CCDC60: variants seen among roughly 807,000 people sequenced by gnomAD.
The protein encoded by CCDC60 is coiled-coil domain containing 60.
A neutral mutation model predicts 63.5 loss-of-function variants in CCDC60; 54 were observed. The observed-to-expected ratio is 0.85, with a 90% confidence interval of 0.68 to 1.07. The LOEUF is 1.07. Ranked by LOEUF, CCDC60 falls within the 50% of genes least tolerant of loss-of-function variation. CCDC60 has a pLI of 0.00. For missense variants in CCDC60, 651 were observed against 684.3 expected (o/e 0.95, Z 0.54); for synonymous variants, 206 against 238.8 (o/e 0.86, Z 1.27).
chr12:119,417,828 C>A (rs1347025107), intron 1 of CCDC60, among the ~76,000 whole-genome samples: 3 of 152,218 alleles, frequency 2.0e-5, no homozygotes, highest in African/African-American at 7.2e-5. Flanking sequence ...TTCCCAACTT[C>A]ATCCAAGCTC....
At chr12:119,460,764 G>A (rs1314361729) in intron 2 of CCDC60, among the ~76,000 whole-genome samples, 1 of 152,120 alleles carries the variant, frequency 6.6e-6, no homozygotes, top group Non-Finnish European at 1.5e-5. Context: ...TCCAAATTCT[G>A]GACACTGAGA....
At chr12:119,533,285 T>C (rs558573337) in intron 13 of CCDC60, among the ~76,000 whole-genome samples, 1 of 152,312 alleles carries the variant, frequency 6.6e-6, no homozygotes, top group Admixed American at 6.5e-5. Context: ...TTCTTCTAAA[T>C]TTGTTTAAGT....
chr12:119,494,953 C>T (rs1432590096), intron 5 of CCDC60, among the ~76,000 whole-genome samples: 2 of 152,184 alleles, frequency 1.3e-5, no homozygotes, highest in African/African-American at 4.8e-5. Context: ...TGCACTCCAG[C>T]CTGGGCAACA....
chr12:119,475,219 T>C (rs1951150112), intron 3 of CCDC60, among the ~76,000 whole-genome samples: 1 of 152,210 alleles, frequency 6.6e-6, no homozygotes, highest in South Asian at 2.1e-4. Flanking sequence ...AACTCATGGC[T>C]CTTTTTTCAG....
intron 13 of CCDC60, among the ~76,000 whole-genome samples, chr12:119,540,198 C>T (rs867294270): frequency 4.6e-5 from 7 of 152,240 alleles, no homozygotes; most frequent in African/African-American, 1.7e-4. Context: ...TGAAACTCTT[C>T]CTTTTGTGTG....
chr12:119,521,231 T>C (rs1239943700), intron 9 of CCDC60, among the ~76,000 whole-genome samples: 1 of 152,214 alleles, frequency 6.6e-6, no homozygotes. Context: ...ACAATTGTAA[T>C]GTGATAGGCA....
chr12:119,404,687 A>G (rs1956454487), intron 1 of CCDC60, among the ~76,000 whole-genome samples: 2 of 152,228 alleles, frequency 1.3e-5, no homozygotes, highest in Admixed American at 1.3e-4. Flanking sequence ...GAGGACAGGT[A>G]GGTCTGTCAG....
chr12:119,337,824 TTGTGTGTGTGTGTGTGTGTGTGTGTG>T (rs60009617), intron 1 of CCDC60, among the ~76,000 whole-genome samples: 1 of 140,656 alleles, frequency 7.1e-6, no homozygotes, highest in African/African-American at 2.6e-5. Context: ...GTGTGTGTAT[TTGTGTGTGTGTGTGTGTGTGTGTGTG>T]TGTGTGTGTG....
chr12:119,375,879 C>T lies in CCDC60; in HGVS notation c.90+40613C>T, dbSNP rs369734813. Among the ~76,000 whole-genome samples, 6 of 152,128 alleles carry T rather than the reference C, an allele frequency of 3.9e-5. No individual in the cohort carries two copies. The East Asian group carries it at 7.7e-4, about 20-fold the overall frequency. On this transcript the variant is annotated intron_variant, in intron 1 of 13. Coordinates refer to ENST00000327554, the MANE Select transcript of CCDC60 (RefSeq NM_178499.5). ...AGTCCTCAGCTTCTTCCTGCAACAACCAGCCCCTCCCTTGAAGCTCTTAGT... is the reference window on the plus strand; with the variant it reads ...AGTCCTCAGCTTCTTCCTGCAACAATCAGCCCCTCCCTTGAAGCTCTTAGT...
intron 1 of CCDC60, among the ~76,000 whole-genome samples, chr12:119,411,416 T>C (rs1423384193): frequency 6.6e-6 from 1 of 151,958 alleles, no homozygotes; most frequent in Non-Finnish European, 1.5e-5. Flanking sequence ...AAAAGCCTCG[T>C]TCATGTTCTG....
At chr12:119,464,434 T>C (rs1301852169) in intron 2 of CCDC60, among the ~76,000 whole-genome samples, 1 of 151,524 alleles carries the variant, frequency 6.6e-6, no homozygotes, top group Non-Finnish European at 1.5e-5. Context: ...CATCTTTCCT[T>C]TCTTCTTTTT....
intron 1 of CCDC60, among the ~76,000 whole-genome samples, chr12:119,409,303 G>A (rs764382992): frequency 4.6e-5 from 7 of 152,092 alleles, no homozygotes; most frequent in Admixed American, 3.3e-4. Context: ...GAGCTGATAC[G>A]GCTTTGTGGG....
chr12:119,443,303 G>A (rs959830557), intron 2 of CCDC60, among the ~76,000 whole-genome samples: 2 of 152,216 alleles, frequency 1.3e-5, no homozygotes, highest in East Asian at 1.9e-4. Context: ...AAAGACTGTA[G>A]CCTTTGAATA....
chr12:119,369,595 T>C (rs1419526207), intron 1 of CCDC60, among the ~76,000 whole-genome samples: 1 of 152,220 alleles, frequency 6.6e-6, no homozygotes, highest in Non-Finnish European at 1.5e-5. Context: ...TGTGCAGCCA[T>C]AGGCAAGTTA....
intron 1 of CCDC60, among the ~76,000 whole-genome samples, chr12:119,361,223 T>A (rs1474803976): frequency 2.2e-5 from 3 of 139,240 alleles, no homozygotes; most frequent in African/African-American, 2.7e-5. Flanking sequence ...GAGGGAGAGC[T>A]CAAGTCTATC....
chr12:119,388,044 C>T (rs895415084), intron 1 of CCDC60: 1 of 152,162 alleles, frequency 6.6e-6, no homozygotes, highest in South Asian at 2.1e-4. Context: ...AAGGTTAGAG[C>T]AGCACAAAGG....
chr12:119,496,751 A>G (rs950454974), intron 5 of CCDC60, among the ~76,000 whole-genome samples: 4 of 152,180 alleles, frequency 2.6e-5, no homozygotes, highest in African/African-American at 9.7e-5. Context: ...CAAGTCACAC[A>G]TGTAGGAAGC....
At chr12:119,462,925 G>A (rs770813380) in intron 2 of CCDC60, among the ~76,000 whole-genome samples, 1 of 152,056 alleles carries the variant, frequency 6.6e-6, no homozygotes, top group Admixed American at 6.6e-5. Flanking sequence ...CCAGGTTCAA[G>A]TGATTCTTGT....
intron 2 of CCDC60, among the ~76,000 whole-genome samples, chr12:119,444,575 T>C (rs1475751104): frequency 6.6e-6 from 1 of 152,222 alleles, no homozygotes; most frequent in African/African-American, 2.4e-5. Context: ...AATTGTCTAA[T>C]AAGCTGAAGT....
Sources: gnomAD v4.1 joint callset for allele counts (sites outside exome capture counted in the v4.1 genomes callset) on GRCh38, gnomAD v4.1.1 for gene constraint, MANE v1.5 for transcripts, NCBI Gene and HGNC (gene_info 2026-07-23, HGNC 2026-07-21) for gene names.